Variants in ZNF385D observed in about 807,000 individuals in gnomAD.
ZNF385D encodes the protein zinc finger protein 385D, also known as zinc finger protein 659.
In ZNF385D, 15 loss-of-function variants were observed where a neutral mutation model predicts 35.8. The observed-to-expected ratio is 0.42, with a 90% CI of 0.28 to 0.64. ZNF385D has a LOEUF of 0.64. ZNF385D is among the 30% of genes least tolerant of loss of function. ZNF385D has a pLI of 0.23. For missense variants in ZNF385D, 474 were observed against 494.6 expected (o/e 0.96, Z 0.39); for synonymous variants, 212 against 186.8 (o/e 1.13, Z -1.10).
intron 3 of ZNF385D, among the ~76,000 whole-genome samples, chr3:22,046,956 T>A (rs763968564): frequency 5.3e-5 from 8 of 152,162 alleles, no homozygotes; most frequent in Non-Finnish European, 1.2e-4. Context: ...TATGTCCAGA[T>A]TAGATTATAT....
chr3:21,975,739 A>ATATATATATATATATATATATATATG (rs1703571371), intron 3 of ZNF385D, among the ~76,000 whole-genome samples: 14 of 48,402 alleles, frequency 2.9e-4, no homozygotes, highest in Non-Finnish European at 5.3e-4. Flanking sequence ...ATATATATAT[A>ATATATATATATATATATATATATATG]TATATATATA....
intron 3 of ZNF385D, among the ~76,000 whole-genome samples, chr3:21,520,347 A>G (rs746648799): frequency 2.0e-5 from 3 of 152,226 alleles, no homozygotes; most frequent in Non-Finnish European, 4.4e-5. Flanking sequence ...TGTCCCTAGG[A>G]TCTATCATAC....
chr3:22,233,196 C>A (rs1199286821), intron 2 of ZNF385D, among the ~76,000 whole-genome samples: 2 of 152,046 alleles, frequency 1.3e-5, no homozygotes, highest in African/African-American at 4.8e-5. Flanking sequence ...ATAGCTTCAG[C>A]CTTATTTCAC....
At chr3:22,092,722 T>C (rs948787190) in intron 3 of ZNF385D, among the ~76,000 whole-genome samples, 1 of 152,130 alleles carries the variant, frequency 6.6e-6, no homozygotes, top group Non-Finnish European at 1.5e-5. Flanking sequence ...TTACAGTTAA[T>C]AATTTTTGAT....
At chr3:22,259,981 G>A (rs1212102497) in intron 2 of ZNF385D, among the ~76,000 whole-genome samples, 6 of 151,918 alleles carry the variant, frequency 3.9e-5, no homozygotes, top group Admixed American at 6.6e-5. Flanking sequence ...GTTAGGACAC[G>A]AAAAGGTCAT....
In ZNF385D at chr3:21,788,573, T is replaced by C. The variant is rs142283925; in HGVS notation, c.326-123545A>G. On this transcript the variant is annotated intron_variant, in intron 3 of 5. Transcript: ENST00000494108. ...AAACCACGTAGCTTTTCTTAGTACA[T>C]TGTCTTTGAATCAATCCATGTTAGG... Among the ~76,000 whole-genome samples the C allele has an allele frequency of 2.2e-4, 34 of 152,342 alleles. No homozygotes were observed. In the East Asian group the frequency reaches 5.6e-3, roughly 25 times the overall value.
At chr3:21,752,629 G>A (rs568957516), upstream of ZNF385D, among the ~76,000 whole-genome samples, 22 of 152,144 alleles carry the variant, frequency 1.4e-4, no homozygotes, top group Non-Finnish European at 2.6e-4. Context: ...GTGAGTGAAA[G>A]TAGGTAAGCA....
At chr3:21,956,097 G>T (rs1329027139) in intron 3 of ZNF385D, among the ~76,000 whole-genome samples, 1 of 151,930 alleles carries the variant, frequency 6.6e-6, no homozygotes, top group Non-Finnish European at 1.5e-5. Context: ...GAGGTGAGAG[G>T]ATCTGCTTGA....
chr3:21,896,078 T>G (rs927448203), intron 3 of ZNF385D, among the ~76,000 whole-genome samples: 1 of 152,170 alleles, frequency 6.6e-6, no homozygotes, highest in African/African-American at 2.4e-5. Context: ...CTTCGACATT[T>G]GGAATTAATG....
At chr3:21,802,708 C>T (rs1428213984) in intron 3 of ZNF385D, among the ~76,000 whole-genome samples, 1 of 152,280 alleles carries the variant, frequency 6.6e-6, no homozygotes, top group Admixed American at 6.5e-5. Context: ...ATCTCACTAT[C>T]TGTGTGAACT....
intron 3 of ZNF385D, among the ~76,000 whole-genome samples, chr3:22,084,118 C>G (rs1407544876): frequency 1.3e-5 from 2 of 152,218 alleles, no homozygotes; most frequent in Non-Finnish European, 2.9e-5. Context: ...GTACCAGCCA[C>G]TGCAAAAACA....
chr3:21,553,530 T>C (rs567950425), intron 3 of ZNF385D, among the ~76,000 whole-genome samples: 1 of 152,280 alleles, frequency 6.6e-6, no homozygotes, highest in African/African-American at 2.4e-5. Context: ...TGGCTGATCA[T>C]AGTGTTGGTG....
chr3:22,059,664 C>G (rs1576241010), intron 3 of ZNF385D, among the ~76,000 whole-genome samples: 2 of 152,128 alleles, frequency 1.3e-5, no homozygotes, highest in East Asian at 3.9e-4. Context: ...GTATGTGGAG[C>G]ACATTACTTT....
At chr3:21,476,721 C>T (rs1031615299) in intron 4 of ZNF385D, among the ~76,000 whole-genome samples, 16 of 152,032 alleles carry the variant, frequency 1.1e-4, no homozygotes, top group Non-Finnish European at 1.9e-4. Flanking sequence ...CCTTTCTCTT[C>T]TATTGAAGAA....
intron 3 of ZNF385D, among the ~76,000 whole-genome samples, chr3:21,786,741 A>G (rs1245902910): frequency 6.6e-6 from 1 of 152,188 alleles, no homozygotes; most frequent in African/African-American, 2.4e-5. Context: ...TTTTAGCATT[A>G]TGCTTTTGCC....
At chr3:22,197,530 C>T (rs1481322436) in intron 2 of ZNF385D, among the ~76,000 whole-genome samples, 2 of 152,084 alleles carry the variant, frequency 1.3e-5, no homozygotes, top group African/African-American at 4.8e-5. Context: ...AATTTATAAA[C>T]TACTCCAGAA....
intron 2 of ZNF385D, among the ~76,000 whole-genome samples, chr3:22,174,257 C>G (rs1488400045): frequency 2.0e-5 from 3 of 152,130 alleles, no homozygotes; most frequent in African/African-American, 4.8e-5. Flanking sequence ...CTTTAACAAG[C>G]CAGGTTACAT....
rs774553861 is a variant in ZNF385D at position 22,243,180 on chromosome 3, TA to T, written c.107-74146del. 2.0e-5 allele frequency among the ~76,000 whole-genome samples: 3 copies of T among 149,700 alleles called. No individual in the cohort carries two copies. The East Asian group carries it at 6.0e-4, about 30-fold the overall frequency. ...AAAAATAACACTTGCAACCCAATAA[TA>T]AAAAAACAAACAGCCCAATTTAAAA... On this transcript the variant is annotated intron_variant, in intron 2 of 5. Coordinates refer to the ZNF385D transcript ENST00000494108.
chr3:21,705,360 G>C (rs1182757336), intron 1 of ZNF385D, among the ~76,000 whole-genome samples: 1 of 152,064 alleles, frequency 6.6e-6, no homozygotes, highest in Non-Finnish European at 1.5e-5. Context: ...GATTAAGAAA[G>C]GGCAGCAAGT....
Sources: allele counts gnomAD v4.1 joint callset (sites outside exome capture counted in the v4.1 genomes callset), GRCh38; gene constraint gnomAD v4.1.1; transcripts MANE v1.5; gene names NCBI Gene and HGNC (gene_info 2026-07-23, HGNC 2026-07-21).